WDFY1: variants seen among roughly 807,000 people sequenced by gnomAD.
WDFY1 encodes the protein WD repeat and FYVE domain-containing protein 1.
Under a neutral mutation model 56.4 loss-of-function variants are expected in WDFY1, and 32 were observed. That is an observed-to-expected ratio of 0.57 (90% confidence interval 0.43 to 0.76). The LOEUF is 0.76. Ranked by LOEUF, WDFY1 falls within the 30% of genes least tolerant of loss-of-function variation. The probability of loss-of-function intolerance (pLI) is 0.00; values close to 1 mark genes in which losing one functional copy is unlikely to be tolerated. For missense variants in WDFY1, 480 were observed against 545.7 expected, an observed-to-expected ratio of 0.88 and a Z score of 1.20; for synonymous variants, 192 against 197.3, an observed-to-expected ratio of 0.97 and a Z score of 0.23.
chr2:223,896,154 T>A (rs1211771174), intron 6 of WDFY1, among the ~76,000 whole-genome samples: 2 of 6,554 alleles, frequency 3.1e-4, no homozygotes, highest in Non-Finnish European at 2.6e-4. Context: ...AGACTCTGTC[T>A]CAAAAAAAAA....
chr2:223,898,490 C>A (rs758338657), intron 6 of WDFY1, among the ~76,000 whole-genome samples: 12 of 152,084 alleles, frequency 7.9e-5, no homozygotes, highest in Non-Finnish European at 1.6e-4. Context: ...ACCTCTGCCC[C>A]CCAGGTTCAA....
At chr2:223,916,089 A>G (rs922497118) in intron 2 of WDFY1, among the ~76,000 whole-genome samples, 1 of 152,170 alleles carries the variant, frequency 6.6e-6, no homozygotes, top group Admixed American at 6.5e-5. Context: ...TCCTTTCATA[A>G]TAGTTATCTT....
chr2:223,925,461 A>G (rs1277328731), intron 1 of WDFY1, among the ~76,000 whole-genome samples: 1 of 152,194 alleles, frequency 6.6e-6, no homozygotes, highest in Non-Finnish European at 1.5e-5. Context: ...CTGAACCTTC[A>G]GCGAGGGGTA....
chr2:223,934,801 A>G (rs1285446274), intron 1 of WDFY1, among the ~76,000 whole-genome samples: 1 of 152,212 alleles, frequency 6.6e-6, no homozygotes, highest in Non-Finnish European at 1.5e-5. Flanking sequence ...GGTTACAGGC[A>G]TGAGCCATTG....
chr2:223,883,595 T>A (rs1472009251), intron 9 of WDFY1, among the ~76,000 whole-genome samples: 1 of 140,358 alleles, frequency 7.1e-6, no homozygotes, highest in Admixed American at 7.7e-5. Flanking sequence ...CAGTCTCATA[T>A]GAGACCTTAC....
intron 7 of WDFY1, among the ~76,000 whole-genome samples, chr2:223,894,648 A>T (rs187797759): frequency 7.8e-4 from 119 of 152,324 alleles, no homozygotes; most frequent in African/African-American, 2.7e-3. Flanking sequence ...GATGCATAAG[A>T]TTTACCTACT....
In WDFY1 at chr2:223,945,313, C is replaced by T. The variant is rs373075828; in HGVS notation, c.-29G>A. 51 of 1,549,796 alleles carry T rather than the reference C, an allele frequency of 3.3e-5. No homozygotes were observed. Among genetic ancestry groups the T allele is most frequent in the Middle Eastern group, 2.0e-4 (1 of 4,944 alleles). The stretch of plus-strand genomic sequence containing the variant: ...CGCGCGGCGACTGCTGCGGCCTCCT[C>T]GGCAGGCAGCCCATCAGCTGACGCC... On this transcript the variant is annotated 5_prime_UTR_variant, in exon 1 of 12. Coordinates refer to ENST00000233055, the MANE Select transcript of WDFY1 (RefSeq NM_020830.5).
intron 6 of WDFY1, among the ~76,000 whole-genome samples, chr2:223,897,336 C>A (rs1693398416): frequency 7.1e-6 from 1 of 140,732 alleles, no homozygotes; most frequent in Non-Finnish European, 1.5e-5. Flanking sequence ...AGACATGTGT[C>A]CCCTCTAAAT....
rs961549496 is a variant in WDFY1 at position 223,899,126 on chromosome 2, A to C, written c.486-56T>G. 2.6e-5 allele frequency: 36 copies of C among 1,396,782 alleles called. 1 individual carries two copies. In the Admixed American group the frequency reaches 4.2e-4, roughly 16 times the overall value. The allele number at this position is 1,396,782 out of a possible 1,614,324, so 86.5% of individuals were successfully genotyped here. ...GAAATCACCTGAAAGTCCTCTCATA[A>C]GAGAGATACCAGCATTAGTCAAAGT... On this transcript the variant is annotated intron_variant, in intron 5 of 11. Coordinates refer to ENST00000233055, the MANE Select transcript of WDFY1 (RefSeq NM_020830.5).
At chr2:223,923,798 G>A (rs1693931204) in intron 1 of WDFY1, among the ~76,000 whole-genome samples, 1 of 152,126 alleles carries the variant, frequency 6.6e-6, no homozygotes, top group African/African-American at 2.4e-5. Flanking sequence ...TCTAATCACT[G>A]AAGTGTCAAG....
intron 2 of WDFY1, among the ~76,000 whole-genome samples, chr2:223,916,255 G>A (rs1236078517): frequency 6.6e-6 from 1 of 152,152 alleles, no homozygotes; most frequent in Non-Finnish European, 1.5e-5. Context: ...GAATCTAAAT[G>A]CTGCATGCAC....
At chr2:223,919,323 G>T (rs1693851420) in intron 1 of WDFY1, among the ~76,000 whole-genome samples, 1 of 152,170 alleles carries the variant, frequency 6.6e-6, no homozygotes, top group Non-Finnish European at 1.5e-5. Flanking sequence ...GGATTCTCCT[G>T]CCTCAGCCTC....
intron 1 of WDFY1, among the ~76,000 whole-genome samples, chr2:223,939,247 C>G (rs1689256957): frequency 1.3e-5 from 2 of 152,234 alleles, no homozygotes; most frequent in African/African-American, 2.4e-5. Flanking sequence ...TTCAACAAGA[C>G]CCCCAGGTGA....
intron 8 of WDFY1, among the ~76,000 whole-genome samples, chr2:223,889,671 TC>T (rs1441637669): frequency 1.1e-4 from 17 of 152,174 alleles, no homozygotes; most frequent in Non-Finnish European, 2.4e-4. Context: ...TAAACCTCTT[TC>T]CTTTATAAAT....
intron 1 of WDFY1, among the ~76,000 whole-genome samples, chr2:223,923,765 A>AT (rs1334481000): frequency 9.2e-5 from 14 of 152,070 alleles, no homozygotes; most frequent in African/African-American, 3.4e-4. Flanking sequence ...CGTCTCAAAA[A>AT]AAAAAAATAA....
chr2:223,931,774 C>T (rs2106100873), intron 1 of WDFY1, among the ~76,000 whole-genome samples: 1 of 151,974 alleles, frequency 6.6e-6, no homozygotes, highest in East Asian at 1.9e-4. Context: ...CAGCCTCTGC[C>T]TCCCGGGTTC....
intron 1 of WDFY1, among the ~76,000 whole-genome samples, chr2:223,932,636 A>G (rs1694098229): frequency 6.6e-6 from 1 of 152,170 alleles, no homozygotes; most frequent in Admixed American, 6.5e-5. Context: ...ACTGATAAAA[A>G]GAGATCATTC....
chr2:223,890,984 TA>T (rs1299458855), intron 8 of WDFY1, among the ~76,000 whole-genome samples: 1 of 152,138 alleles, frequency 6.6e-6, no homozygotes. Context: ...ATGCTCCAGT[TA>T]GTATTGACAG....
At chr2:223,881,537 C>T (rs1245416497) in intron 10 of WDFY1, among the ~76,000 whole-genome samples, 1 of 152,134 alleles carries the variant, frequency 6.6e-6, no homozygotes, top group African/African-American at 2.4e-5. Flanking sequence ...CGCCTGTAAT[C>T]CTGGCACTTT....
Sources: gnomAD v4.1 joint callset for allele counts (sites outside exome capture counted in the v4.1 genomes callset) on GRCh38, gnomAD v4.1.1 for gene constraint, MANE v1.5 for transcripts, NCBI Gene and HGNC (gene_info 2026-07-23, HGNC 2026-07-21) for gene names.